The following PDE1C variants were observed in gnomAD, a reference collection of about 807,000 sequenced individuals.
The protein encoded by PDE1C is phosphodiesterase 1C.
PDE1C carries 62 observed loss-of-function variants against 93.1 expected under a neutral mutation model. The ratio of observed to expected loss-of-function variants is 0.67; its 90% confidence interval spans 0.54 to 0.82. The LOEUF (loss-of-function observed/expected upper bound fraction) is 0.82, where lower values mean the gene tolerates loss of function less well. Among genes scored for constraint, PDE1C ranks in the 40% least tolerant of loss-of-function variants. PDE1C has a pLI of 0.00. For missense variants in PDE1C, 742 were observed against 884.6 expected (o/e 0.84, Z 2.04); for synonymous variants, 325 against 310.1 (o/e 1.05, Z -0.50).
At chr7:31,622,908 A>C in the PDE1C span, among the ~76,000 whole-genome samples, 1 of 152,220 alleles carries the variant, frequency 6.6e-6, no homozygotes, top group Non-Finnish European at 1.5e-5. Context: ...ACACAATAAA[A>C]AATGATAAAG....
At position 32,143,798 on chromosome 7, in the gene PDE1C, C is replaced by T. The variant is rs555701257; in HGVS notation, c.308+25987G>A. Among the ~76,000 whole-genome samples the T allele has an allele frequency of 9.9e-5, 15 of 152,128 alleles. No individual in the cohort carries two copies. The South Asian group carries it at 1.9e-3, about 19-fold the overall frequency. On this transcript the variant is annotated intron_variant, in intron 3 of 18. Coordinates refer to the PDE1C transcript ENST00000396193. ...TACATGTCTATTCACAGAAGTTGTG[C>T]GAAGTATTACAGACATAAATTAAAG...
At chr7:32,204,139 CGTGT>C in intron 2 of PDE1C, among the ~76,000 whole-genome samples, 1 of 151,928 alleles carries the variant, frequency 6.6e-6, no homozygotes, top group East Asian at 1.9e-4. Flanking sequence ...AAGTCACTAA[CGTGT>C]AGGTAGCATC....
chr7:32,317,584 T>A (rs1435938669), intron 1 of PDE1C, among the ~76,000 whole-genome samples: 1 of 149,814 alleles, frequency 6.7e-6, no homozygotes, highest in African/African-American at 2.5e-5. Context: ...GAGAAAGTGA[T>A]AGTTTTTTTT....
intron 2 of PDE1C, among the ~76,000 whole-genome samples, chr7:32,179,267 T>TC (rs757215404): frequency 1.5e-5 from 1 of 65,938 alleles, no homozygotes; most frequent in Non-Finnish European, 2.8e-5. Context: ...GACTTAGTCT[T>TC]TTTTTTTTTT....
chr7:31,923,838 A>G (rs1160822517), intron 2 of PDE1C, among the ~76,000 whole-genome samples: 1 of 152,186 alleles, frequency 6.6e-6, no homozygotes, highest in Non-Finnish European at 1.5e-5. Flanking sequence ...AATTTTTAAC[A>G]TAATAAAAGA....
At chr7:31,784,149 G>C (rs1783676226) in intron 16 of PDE1C, 1 of 152,128 alleles carries the variant, frequency 6.6e-6, no homozygotes, top group Non-Finnish European at 1.5e-5. Flanking sequence ...CTAAAGCTGA[G>C]GAGATGAGTT....
chr7:31,620,976 C>T, the PDE1C span, among the ~76,000 whole-genome samples: 2 of 151,542 alleles, frequency 1.3e-5, no homozygotes, highest in African/African-American at 4.9e-5. Flanking sequence ...GCCTCAGGAG[C>T]CAATGCGATC....
chr7:31,905,775 C>T (rs567040532), intron 2 of PDE1C, among the ~76,000 whole-genome samples: 2 of 152,184 alleles, frequency 1.3e-5, no homozygotes, highest in Admixed American at 6.5e-5. Context: ...AATTGTAGTT[C>T]CCATAATCCC....
chr7:31,710,705 G>C, the PDE1C span, among the ~76,000 whole-genome samples: 4 of 152,208 alleles, frequency 2.6e-5, no homozygotes, highest in Admixed American at 1.3e-4. Context: ...CTTGCCACTC[G>C]TAATTTGTAA....
chr7:32,060,414 G>A (rs115376275), intron 1 of PDE1C, among the ~76,000 whole-genome samples: 1,789 of 152,236 alleles, frequency 0.012, 42 homozygotes, highest in African/African-American at 0.041. Flanking sequence ...GGCTCCTTGG[G>A]AGCATGAGTC....
intron 2 of PDE1C, among the ~76,000 whole-genome samples, chr7:31,965,866 T>C (rs915638422): frequency 6.6e-6 from 1 of 152,156 alleles, no homozygotes; most frequent in East Asian, 1.9e-4. Flanking sequence ...CTAAGCTTCA[T>C]AAGTGAAGGA....
chr7:31,630,244 CAAAAAAA>C, the PDE1C span, among the ~76,000 whole-genome samples: 1 of 103,720 alleles, frequency 9.6e-6, no homozygotes, highest in African/African-American at 3.8e-5. Context: ...GTCTACTTGG[CAAAAAAA>C]AAAAAAAAAA....
intron 2 of PDE1C, among the ~76,000 whole-genome samples, chr7:31,915,036 G>T (rs1016191): frequency 0.42 from 64,386 of 152,062 alleles, 15,414 homozygotes; most frequent in Non-Finnish European, 0.54. Flanking sequence ...TGTAAAGCAG[G>T]TATGCAATGA....
intron 1 of PDE1C, among the ~76,000 whole-genome samples, chr7:32,247,573 G>A (rs1423314842): frequency 1.3e-5 from 2 of 152,130 alleles, no homozygotes; most frequent in Non-Finnish European, 2.9e-5. Flanking sequence ...ACAATTGTTC[G>A]ACTTACAATT....
chr7:32,141,175 G>A (rs951312695), intron 3 of PDE1C, among the ~76,000 whole-genome samples: 1 of 152,192 alleles, frequency 6.6e-6, no homozygotes, highest in African/African-American at 2.4e-5. Flanking sequence ...GCTGGACTTA[G>A]TGAACTGGTT....
At chr7:32,112,474 T>G (rs1182236194) in intron 3 of PDE1C, among the ~76,000 whole-genome samples, 2 of 152,188 alleles carry the variant, frequency 1.3e-5, no homozygotes, top group Non-Finnish European at 2.9e-5. Flanking sequence ...TTAGTTTGTT[T>G]GTTTGTTTGA....
At chr7:31,669,546 C>T in the PDE1C span, among the ~76,000 whole-genome samples, 1 of 152,150 alleles carries the variant, frequency 6.6e-6, no homozygotes, top group Non-Finnish European at 1.5e-5. Context: ...CAACTCTTTC[C>T]ACACTAATTC....
In PDE1C at chr7:32,207,847, C is replaced by CG. The variant is rs557623859; in HGVS notation, c.136+1641_136+1642insC. The stretch of plus-strand genomic sequence containing the variant: ...CTCTCATGCAAGGACCGCCCTCCCC[C>CG]CAACCTTCGTCTGTCTTGTAGTGAG... On this transcript the variant is annotated intron_variant, in intron 2 of 18. Coordinates refer to the PDE1C transcript ENST00000396193. Among the ~76,000 whole-genome samples, 1,497 of 152,100 alleles carry CG rather than the reference C, an allele frequency of 9.8e-3. 8 individuals carry two copies. Among genetic ancestry groups the CG allele is most frequent in the Non-Finnish European group, 0.014 (975 of 67,974 alleles).
intron 1 of PDE1C, among the ~76,000 whole-genome samples, chr7:32,214,448 AC>A (rs1806278546): frequency 6.6e-6 from 1 of 151,990 alleles, no homozygotes; most frequent in Non-Finnish European, 1.5e-5. Context: ...CCCAGACCAC[AC>A]CCCAGACCAA....
Sources: gnomAD v4.1 joint callset for allele counts (sites outside exome capture counted in the v4.1 genomes callset) on GRCh38, gnomAD v4.1.1 for gene constraint, MANE v1.5 for transcripts, NCBI Gene and HGNC (gene_info 2026-07-23, HGNC 2026-07-21) for gene names.